The following AOX1 variants were observed in gnomAD, a reference collection of about 807,000 sequenced individuals.
AOX1 encodes the protein aldehyde oxidase 1.
AOX1 carries 153 observed loss-of-function variants against 169.5 expected under a neutral mutation model. The ratio of observed to expected loss-of-function variants is 0.90; its 90% CI spans 0.79 to 1.03. The LOEUF (loss-of-function observed/expected upper bound fraction) is 1.03. AOX1 is among the 50% of genes least tolerant of loss of function. The pLI is 0.00. For synonymous variants in AOX1, 562 were observed against 581.9 expected (o/e 0.97, Z 0.49); for missense variants, 1,656 against 1,663.9 (o/e 1.00, Z 0.08).
intron 8 of AOX1, 101 bp downstream of exon 8, chr2:200,604,198 G>C: frequency 1.2e-6 from 1 of 839,160 alleles, no homozygotes; most frequent in Non-Finnish European, 2.0e-6. Context: ...TGGCAAATAG[G>C]TGAGGCCTCT....
At chr2:200,596,658 G>C (rs1408863945) in intron 3 of AOX1, among the ~76,000 whole-genome samples, 1 of 152,188 alleles carries the variant, frequency 6.6e-6, no homozygotes, top group Non-Finnish European at 1.5e-5. Flanking sequence ...GTTTAAGGCA[G>C]GTTCCTTTTC....
Position 200,669,659 on chromosome 2 carries a change from G to A in AOX1, c.3883G>A (p.Gly1295Ser), listed in dbSNP as rs766378711. 2 of 1,613,972 alleles carry A rather than the reference G, an allele frequency of 1.2e-6. No individual in the cohort carries two copies. The highest frequency in any genetic ancestry group is 8.5e-7 in the Non-Finnish European group (1 of 1,179,996). ...DAVSAARQER[G>S]LHGPLTLNSP... ...AGTGAGTGCAGCACGACAGGAGAGA[G>A]GCCTGCATGGACCCTTGACCCTTAA... The change falls in exon 34 of 35, where the codon GGC becomes AGC. Residue 1295 changes from glycine (G) to serine (S), a missense_variant. Coordinates refer to ENST00000374700, the MANE Select transcript of AOX1 (RefSeq NM_001159.4).
At chr2:200,617,957 G>T (rs1303466869) in intron 16 of AOX1, among the ~76,000 whole-genome samples, 7 of 152,168 alleles carry the variant, frequency 4.6e-5, no homozygotes, top group East Asian at 3.9e-4. Context: ...GCTCCTCGAA[G>T]CAGAGGGGGA....
At chr2:200,648,319 G>T (rs1253320939) in intron 25 of AOX1, among the ~76,000 whole-genome samples, 1 of 152,222 alleles carries the variant, frequency 6.6e-6, no homozygotes, top group Non-Finnish European at 1.5e-5. Flanking sequence ...CCCTATGGAT[G>T]TGGCTTCCTG....
chr2:200,638,039 C>T (rs1249308995), intron 22 of AOX1, 176 bp from the exon 23 acceptor site: 4 of 535,566 alleles, frequency 7.5e-6, no homozygotes, highest in Admixed American at 2.8e-5. Flanking sequence ...CCTGACCTAA[C>T]GGGAGGAAAG....
chr2:200,657,165 A>AAAAAAAAAAATATATATAT (rs1179205121), intron 27 of AOX1, among the ~76,000 whole-genome samples: 1 of 88,408 alleles, frequency 1.1e-5, no homozygotes, highest in Non-Finnish European at 2.0e-5. Flanking sequence ...CTCTACCAAA[A>AAAAAAAAAAATATATATAT]ATATATATAT....
chr2:200,601,073 CT>C (rs58855977), intron 5 of AOX1, among the ~76,000 whole-genome samples: 1,294 of 120,446 alleles, frequency 0.011, 15 homozygotes, highest in African/African-American at 0.026. Context: ...GCTTAGAGTG[CT>C]TTTTTTTTTT....
downstream of AOX1, among the ~76,000 whole-genome samples, chr2:200,677,646 G>T (rs1336958090): frequency 6.6e-6 from 1 of 152,058 alleles, no homozygotes; most frequent in Non-Finnish European, 1.5e-5. Flanking sequence ...TGTCCTTTAT[G>T]CAGGGAATTC....
At chr2:200,681,107 G>C (rs1559268060), downstream of AOX1, among the ~76,000 whole-genome samples, 1 of 152,180 alleles carries the variant, frequency 6.6e-6, no homozygotes, top group Non-Finnish European at 1.5e-5. Flanking sequence ...TGTGGTCTTG[G>C]TTAAATCTAA....
rs146136325 is a variant in AOX1 at position 200,637,410 on chromosome 2, A to G, written c.2480+366A>G. Among the ~76,000 whole-genome samples, 935 of 152,284 alleles carry G rather than the reference A, an allele frequency of 6.1e-3. 2 individuals are homozygous for G. Among genetic ancestry groups the G allele is most frequent in the Non-Finnish European group, 0.011 (715 of 68,024 alleles). ...CCTATATATACATACACACATATAT[A>G]TTTATATACATATAAACCATGTACC... On this transcript the variant is annotated intron_variant, in intron 22 of 34. Coordinates refer to ENST00000374700, the MANE Select transcript of AOX1 (RefSeq NM_001159.4).
intron 25 of AOX1, 96 bp from the exon 26 acceptor site, chr2:200,650,878 A>T: frequency 8.8e-7 from 1 of 1,142,180 alleles, no homozygotes; most frequent in Non-Finnish European, 1.3e-6. Flanking sequence ...CTTGGACCTT[A>T]CAGGATGGGC....
At chr2:200,650,494 A>G (rs961653931) in intron 25 of AOX1, among the ~76,000 whole-genome samples, 1 of 152,224 alleles carries the variant, frequency 6.6e-6, no homozygotes, top group African/African-American at 2.4e-5. Context: ...TGCTTCAGAC[A>G]TCCTGGGATA....
chr2:200,596,600 C>G (rs2034289306), intron 3 of AOX1, among the ~76,000 whole-genome samples: 1 of 152,220 alleles, frequency 6.6e-6, no homozygotes, highest in African/African-American at 2.4e-5. Context: ...AGCCCACATG[C>G]AACCATTCAA....
intron 5 of AOX1, among the ~76,000 whole-genome samples, chr2:200,601,314 A>T (rs1413496182): frequency 1.3e-5 from 2 of 152,180 alleles, no homozygotes; most frequent in African/African-American, 4.8e-5. Context: ...GGGGAACGGG[A>T]AAACAAAGAT....
At chr2:200,638,116 G>C (rs780456667) in intron 22 of AOX1, 99 bp from the exon 23 acceptor site, 2 of 1,005,468 alleles carry the variant, frequency 2.0e-6, no homozygotes, top group South Asian at 2.6e-5. Flanking sequence ...TCTGTGAGGC[G>C]TGTAGGCTCC....
At chr2:200,595,132 A>C (rs1172325908) in intron 2 of AOX1, 140 bp from the exon 3 acceptor site, 2 of 478,412 alleles carry the variant, frequency 4.2e-6, no homozygotes, top group Admixed American at 7.2e-5. Context: ...AGTAATTAAG[A>C]CATAAACACA....
At chr2:200,630,198 A>T (rs2035087470) in intron 20 of AOX1, among the ~76,000 whole-genome samples, 1 of 134,520 alleles carries the variant, frequency 7.4e-6, no homozygotes, top group Non-Finnish European at 1.5e-5. Context: ...ATGTAGCAAG[A>T]CTCCTTCTAT....
chr2:200,598,549 C>A (rs1357597261), intron 4 of AOX1, among the ~76,000 whole-genome samples: 1 of 152,080 alleles, frequency 6.6e-6, no homozygotes, highest in African/African-American at 2.4e-5. Flanking sequence ...TCAAGACCAT[C>A]CTGGCCAATG....
intron 3 of AOX1, among the ~76,000 whole-genome samples, chr2:200,596,793 T>G (rs2106367820): frequency 6.6e-6 from 1 of 152,316 alleles, no homozygotes; most frequent in African/African-American, 2.4e-5. Flanking sequence ...GCTCATAAAG[T>G]TTCTTTGTGT....
Sources: gnomAD v4.1 joint callset for allele counts (sites outside exome capture counted in the v4.1 genomes callset) on GRCh38, gnomAD v4.1.1 for gene constraint, MANE v1.5 for transcripts, NCBI Gene and HGNC (gene_info 2026-07-23, HGNC 2026-07-21) for gene names.